The following DAB1 variants were observed in gnomAD, a reference collection of about 807,000 sequenced individuals.
The protein encoded by DAB1 is disabled homolog 1.
A neutral mutation model predicts 64.6 loss-of-function variants in DAB1; 15 were observed. The observed-to-expected ratio is 0.23, with a 90% CI of 0.16 to 0.36. The LOEUF (loss-of-function observed/expected upper bound fraction) is 0.36. DAB1 is among the 10% of genes least tolerant of loss of function. DAB1 has a pLI of 1.00. For missense variants in DAB1, 596 were observed against 706.7 expected (o/e 0.84, Z 1.78); for synonymous variants, 235 against 251.9 (o/e 0.93, Z 0.64).
chr1:58,203,274 A>T (rs181313032), intron 4 of DAB1, among the ~76,000 whole-genome samples: 1 of 152,302 alleles, frequency 6.6e-6, no homozygotes, highest in African/African-American at 2.4e-5. Context: ...GTGATCAAAC[A>T]TTTTATCTGT....
At chr1:57,921,451 C>A (rs1347248910) in intron 5 of DAB1, among the ~76,000 whole-genome samples, 1 of 152,140 alleles carries the variant, frequency 6.6e-6, no homozygotes, top group African/African-American at 2.4e-5. Flanking sequence ...GACTCCCTAA[C>A]TAGACATTAA....
At chr1:57,922,845 C>CAAAA (rs367897659) in intron 5 of DAB1, among the ~76,000 whole-genome samples, 7 of 44,986 alleles carry the variant, frequency 1.6e-4, no homozygotes, top group South Asian at 1.3e-3. Flanking sequence ...GACTCCATCT[C>CAAAA]AAAAAAAAAA....
chr1:57,941,629 G>A (rs1042828441), intron 5 of DAB1, among the ~76,000 whole-genome samples: 2 of 152,212 alleles, frequency 1.3e-5, no homozygotes, highest in Non-Finnish European at 2.9e-5. Context: ...GAGGTCAGGA[G>A]ATCGAGACCA....
intron 5 of DAB1, among the ~76,000 whole-genome samples, chr1:58,063,688 G>A (rs1375653585): frequency 5.3e-5 from 8 of 152,186 alleles, no homozygotes; most frequent in Non-Finnish European, 1.2e-4. Context: ...AGCCCACTAT[G>A]TGGTCTCTGT....
At chr1:57,161,337 T>A (rs1660726078) in intron 2 of DAB1, among the ~76,000 whole-genome samples, 1 of 152,132 alleles carries the variant, frequency 6.6e-6, no homozygotes, top group Non-Finnish European at 1.5e-5. Context: ...CTAAAACTTT[T>A]CCTACCCAAG....
chr1:57,543,755 T>C (rs1192066502), intron 7 of DAB1, among the ~76,000 whole-genome samples: 1 of 146,442 alleles, frequency 6.8e-6, no homozygotes, highest in East Asian at 2.1e-4. Context: ...AAAGAAATAG[T>C]ACTACAAAAC....
At chr1:57,665,877 GTGTGTGTTTGCGTGTGCATGTGTGTGTT>G (rs1163327493) in intron 6 of DAB1, among the ~76,000 whole-genome samples, 179 of 150,540 alleles carry the variant, frequency 1.2e-3, no homozygotes, top group African/African-American at 4.2e-3. Context: ...GTGTGTGTGT[GTGTGTGTTTGCGTGTGCATGTGTGTGTT>G]TTTCAAATTT....
At chr1:57,256,597 A>T (rs952701603) in intron 2 of DAB1, among the ~76,000 whole-genome samples, 7 of 138,032 alleles carry the variant, frequency 5.1e-5, no homozygotes, top group African/African-American at 1.9e-4. Flanking sequence ...TACACATGTG[A>T]CACTCAACTT....
intron 6 of DAB1, among the ~76,000 whole-genome samples, chr1:57,780,876 TC>T (rs1397726103): frequency 6.6e-6 from 1 of 150,838 alleles, no homozygotes; most frequent in African/African-American, 2.4e-5. Flanking sequence ...CCATGCACCC[TC>T]CACCATGCCC....
chr1:58,250,179 C>G (rs901419369), intron 4 of DAB1, among the ~76,000 whole-genome samples: 5 of 152,202 alleles, frequency 3.3e-5, no homozygotes, highest in African/African-American at 1.2e-4. Context: ...CCGCCCCTAC[C>G]CCGGCGCGCC....
chr1:58,300,998 G>A (rs993745972), intron 4 of DAB1, among the ~76,000 whole-genome samples: 2 of 152,028 alleles, frequency 1.3e-5, no homozygotes, highest in African/African-American at 4.8e-5. Context: ...AGGTAGGGCT[G>A]TTTTTCTAAT....
intron 1 of DAB1, chr1:58,538,715 T>A: frequency 1.6e-6 from 1 of 611,980 alleles, no homozygotes; most frequent in Non-Finnish European, 2.8e-6. Flanking sequence ...AAAAATTAAT[T>A]TCTAAAAGTT....
At chr1:57,383,700 C>G (rs1021063016) in intron 1 of DAB1, among the ~76,000 whole-genome samples, 2 of 152,114 alleles carry the variant, frequency 1.3e-5, no homozygotes, top group African/African-American at 4.8e-5. Context: ...AACTGAATAT[C>G]TAGATGCAAA....
At chr1:58,133,701 A>G (rs1384259352) in intron 5 of DAB1, among the ~76,000 whole-genome samples, 1 of 152,232 alleles carries the variant, frequency 6.6e-6, no homozygotes, top group African/African-American at 2.4e-5. Flanking sequence ...TGAAGTCACT[A>G]GACAAATGAG....
In DAB1 at chr1:58,377,816, C is replaced by T. The variant is rs1395066505; in HGVS notation, n.258-34413G>A. Among the ~76,000 whole-genome samples, 2 of 139,908 alleles carry T rather than the reference C, an allele frequency of 1.4e-5. 1 individual carries two copies. The highest frequency in any genetic ancestry group is 1.4e-4 in the Admixed American group (2 of 13,998). The allele number at this position is 139,908 out of a possible 152,430, so 91.8% of individuals were successfully genotyped here. On this transcript the variant is annotated intron_variant and non_coding_transcript_variant, in intron 3 of 20. Coordinates refer to the DAB1 transcript ENST00000485760. ...ATTCTCCGCATCACTTTCAGGTACA[C>T]CAATCAGACGTAGATTTGGTCTTTT...
intron 1 of DAB1, among the ~76,000 whole-genome samples, chr1:57,398,296 G>C (rs899050436): frequency 4.6e-5 from 7 of 152,158 alleles, no homozygotes; most frequent in African/African-American, 1.7e-4. Context: ...TTATGTGAGT[G>C]CCCTCGAGCA....
At chr1:57,822,071 G>A (rs1237429881), downstream of DAB1, among the ~76,000 whole-genome samples, 1 of 152,168 alleles carries the variant, frequency 6.6e-6, no homozygotes, top group African/African-American at 2.4e-5. Flanking sequence ...GAAGTGGAAT[G>A]GCCAACAGTA....
intron 10 of DAB1, 96 bp downstream of exon 10, chr1:57,025,885 A>C (rs1261084804): frequency 1.1e-6 from 1 of 933,040 alleles, no homozygotes; most frequent in Non-Finnish European, 1.6e-6. Context: ...ATCCACCAGC[A>C]GCCCTCTTTC....
chr1:57,189,721 C>T (rs1351291049), intron 2 of DAB1, among the ~76,000 whole-genome samples: 1 of 151,872 alleles, frequency 6.6e-6, no homozygotes. Flanking sequence ...TGGATGGTCA[C>T]AGGCCTTCCA....
Sources: allele counts gnomAD v4.1 joint callset (sites outside exome capture counted in the v4.1 genomes callset), GRCh38; gene constraint gnomAD v4.1.1; transcripts MANE v1.5; gene names NCBI Gene and HGNC (gene_info 2026-07-23, HGNC 2026-07-21).